Variants in UNC13C observed in about 807,000 individuals in gnomAD.
UNC13C encodes unc-13 homolog C, also known as protein unc-13 homolog C.
A neutral mutation model predicts 245.4 loss-of-function variants in UNC13C; 174 were observed. The observed-to-expected ratio is 0.71, with a 90% confidence interval of 0.63 to 0.80. The LOEUF (loss-of-function observed/expected upper bound fraction) is 0.80. Among genes scored for constraint, UNC13C ranks in the 30% least tolerant of loss-of-function variants. UNC13C has a pLI of 0.00. For synonymous variants in UNC13C, 992 were observed against 895.1 expected (o/e 1.11, Z -1.93); for missense variants, 2,829 against 2,602.9 (o/e 1.09, Z -1.89).
chr15:54,160,446 G>A (rs890831540), intron 4 of UNC13C, among the ~76,000 whole-genome samples: 3 of 150,356 alleles, frequency 2.0e-5, no homozygotes, highest in Non-Finnish European at 4.4e-5. Flanking sequence ...TTGTTTCATA[G>A]AAACTATGAT....
At chr15:54,018,085 C>A (rs745946958) in intron 2 of UNC13C, among the ~76,000 whole-genome samples, 3 of 152,126 alleles carry the variant, frequency 2.0e-5, no homozygotes, top group Non-Finnish European at 4.4e-5. Flanking sequence ...GCAGTTTTCC[C>A]CATCCTGTGC....
intron 13 of UNC13C, among the ~76,000 whole-genome samples, chr15:54,313,137 C>T (rs1283185728): frequency 6.6e-6 from 1 of 151,650 alleles, no homozygotes; most frequent in African/African-American, 2.4e-5. Flanking sequence ...GAATACTGGC[C>T]TAATGCTTTA....
At chr15:53,884,136 G>C in the UNC13C span, among the ~76,000 whole-genome samples, 2 of 152,012 alleles carry the variant, frequency 1.3e-5, no homozygotes, top group African/African-American at 4.8e-5. Context: ...GTCACAGAGT[G>C]CTTAAGGCTG....
intron 4 of UNC13C, among the ~76,000 whole-genome samples, chr15:54,151,568 A>C (rs1359816932): frequency 6.6e-6 from 1 of 151,934 alleles, no homozygotes; most frequent in African/African-American, 2.4e-5. Context: ...ATGCCTGGCT[A>C]ATTTTTTTGT....
At chr15:54,473,442 A>G (rs1042130249) in intron 19 of UNC13C, among the ~76,000 whole-genome samples, 5 of 151,900 alleles carry the variant, frequency 3.3e-5, no homozygotes, top group Admixed American at 6.6e-5. Flanking sequence ...GGCAAACACT[A>G]CAACTTTCTT....
At chr15:54,581,279 A>G (rs1295440465) in intron 30 of UNC13C, among the ~76,000 whole-genome samples, 4 of 152,240 alleles carry the variant, frequency 2.6e-5, no homozygotes, top group Non-Finnish European at 5.9e-5. Context: ...AGCGACAAGA[A>G]GACCAATCAG....
chr15:53,885,065 A>T, the UNC13C span, among the ~76,000 whole-genome samples: 1 of 152,228 alleles, frequency 6.6e-6, no homozygotes, highest in East Asian at 1.9e-4. Flanking sequence ...GGATCTTAAT[A>T]TATATGCAAA....
chr15:54,385,842 A>G (rs1367733458), intron 17 of UNC13C, among the ~76,000 whole-genome samples: 1 of 152,120 alleles, frequency 6.6e-6, no homozygotes, highest in Non-Finnish European at 1.5e-5. Flanking sequence ...AAATTATTAT[A>G]TATCAATAAA....
the UNC13C span, among the ~76,000 whole-genome samples, chr15:53,849,935 A>G: frequency 6.6e-6 from 1 of 152,302 alleles, no homozygotes; most frequent in Admixed American, 6.5e-5. Context: ...AACAATGAAT[A>G]AAGCATATAT....
intron 19 of UNC13C, among the ~76,000 whole-genome samples, chr15:54,462,722 G>T (rs562803686): frequency 4.6e-5 from 7 of 152,350 alleles, no homozygotes; most frequent in Admixed American, 3.9e-4. Flanking sequence ...AGCCCGCCAT[G>T]CCTGAGCCCC....
upstream of UNC13C, among the ~76,000 whole-genome samples, chr15:53,977,150 C>T (rs75934793): frequency 6.2e-3 from 951 of 152,190 alleles, 10 homozygotes; most frequent in Middle Eastern, 0.01. Flanking sequence ...ACTTAAGCAG[C>T]GGGTAAGGGA....
the UNC13C span, among the ~76,000 whole-genome samples, chr15:53,951,569 G>T: frequency 1.3e-5 from 2 of 152,180 alleles, no homozygotes; most frequent in Non-Finnish European, 2.9e-5. Context: ...CATAGGTATT[G>T]GTCTCCTAAT....
intron 19 of UNC13C, among the ~76,000 whole-genome samples, chr15:54,422,319 C>G (rs912768521): frequency 6.6e-6 from 1 of 151,990 alleles, no homozygotes. Context: ...ACTTTGATAC[C>G]TATCATAGCC....
At chr15:54,036,309 G>C (rs950995497) in intron 2 of UNC13C, among the ~76,000 whole-genome samples, 3 of 152,214 alleles carry the variant, frequency 2.0e-5, no homozygotes, top group Non-Finnish European at 4.4e-5. Flanking sequence ...CAAGGATGCT[G>C]TTGATCATTC....
At chr15:54,221,237 T>C (rs1213166330) in intron 4 of UNC13C, among the ~76,000 whole-genome samples, 2 of 151,982 alleles carry the variant, frequency 1.3e-5, no homozygotes, top group Non-Finnish European at 1.5e-5. Flanking sequence ...ATTTAATTAT[T>C]TTTTTCACAA....
downstream of UNC13C, chr15:54,628,735 A>AGTT (rs1256259375): frequency 2.6e-5 from 4 of 152,192 alleles, no homozygotes; most frequent in African/African-American, 4.8e-5. Context: ...TCTCATTAAA[A>AGTT]GTTTAGATGT....
chr15:54,445,786 C>G (rs557398728), intron 19 of UNC13C, among the ~76,000 whole-genome samples: 1 of 152,256 alleles, frequency 6.6e-6, no homozygotes, highest in African/African-American at 2.4e-5. Context: ...TGCAGAAGCT[C>G]TTTAGTTTAA....
intron 1 of UNC13C, among the ~76,000 whole-genome samples, chr15:54,004,145 C>T (rs1256952347): frequency 6.6e-6 from 1 of 152,148 alleles, no homozygotes; most frequent in East Asian, 1.9e-4. Context: ...CCATCTGCAT[C>T]TTCCTTCTAC....
intron 19 of UNC13C, among the ~76,000 whole-genome samples, chr15:54,420,172 G>T (rs1312979734): frequency 6.6e-6 from 1 of 152,038 alleles, no homozygotes; most frequent in Non-Finnish European, 1.5e-5. Flanking sequence ...ATGATATAAT[G>T]AATTATCCCA....
Sources: gnomAD v4.1 joint callset for allele counts (sites outside exome capture counted in the v4.1 genomes callset) on GRCh38, gnomAD v4.1.1 for gene constraint, MANE v1.5 for transcripts, NCBI Gene and HGNC (gene_info 2026-07-23, HGNC 2026-07-21) for gene names.